NLRC5: variants seen among roughly 807,000 people sequenced by gnomAD.
NLRC5 encodes protein NLRC5.
A neutral mutation model predicts 206.9 loss-of-function variants in NLRC5; 114 were observed. The observed-to-expected ratio is 0.55, with a 90% confidence interval of 0.47 to 0.64. NLRC5 has a LOEUF of 0.64. NLRC5 is among the 30% of genes least tolerant of loss of function. NLRC5 has a pLI of 0.00. For missense variants in NLRC5, 2,008 were observed against 2,305.5 expected (o/e 0.87, Z 2.64); for synonymous variants, 952 against 962.8 (o/e 0.99, Z 0.21).
At chr16:57,029,452 C>T (rs1429410627) in intron 8 of NLRC5, among the ~76,000 whole-genome samples, 1 of 152,188 alleles carries the variant, frequency 6.6e-6, no homozygotes, top group Non-Finnish European at 1.5e-5. Context: ...ATCCCAGGCA[C>T]ATCCCAGGCA....
intron 1 of NLRC5, among the ~76,000 whole-genome samples, chr16:57,003,589 C>T (rs933886281): frequency 6.6e-6 from 1 of 152,254 alleles, no homozygotes; most frequent in South Asian, 2.1e-4. Flanking sequence ...GCAGTCATGC[C>T]TCCCTCCCCC....
At chr16:57,037,520 G>C (rs529115293) in intron 15 of NLRC5, among the ~76,000 whole-genome samples, 1 of 152,050 alleles carries the variant, frequency 6.6e-6, no homozygotes, top group Non-Finnish European at 1.5e-5. Flanking sequence ...CGCCTGGCAG[G>C]GTACAACCCC....
At chr16:56,993,397 C>T (rs554056104) in intron 1 of NLRC5, among the ~76,000 whole-genome samples, 1 of 152,170 alleles carries the variant, frequency 6.6e-6, no homozygotes, top group African/African-American at 2.4e-5. Flanking sequence ...AGGTTATTTC[C>T]TGTCTTTTGC....
chr16:57,037,245 C>T lies in NLRC5; in HGVS notation c.2762C>T (p.Ala921Val). 6.2e-7 allele frequency: 1 copy of T among 1,613,722 alleles called. No individual in the cohort carries two copies. The highest frequency in any genetic ancestry group is 8.5e-7 in the Non-Finnish European group (1 of 1,179,972). The change falls in exon 15 of 49, where the codon GCC becomes GTC. Residue 921 changes from alanine to valine, a missense_variant. Ala to Val is a moderately conservative substitution (Grantham distance 64). Transcript: ENST00000688547. ...SVAGVHCVLR[A>V]VSACWTLAEL... ...GCCGGGGTGCATTGTGTGCTGAGGGCCGTGAGTGCGTGCTGGACCCTGGCA... is the reference window on the plus strand; with the variant it reads ...GCCGGGGTGCATTGTGTGCTGAGGGTCGTGAGTGCGTGCTGGACCCTGGCA...
chr16:57,080,946 CA>C (rs1184192193), intron 46 of NLRC5, 151 bp from the exon 47 acceptor site: 1 of 619,628 alleles, frequency 1.6e-6, no homozygotes, highest in African/African-American at 1.8e-5. Flanking sequence ...CTGACGTCTT[CA>C]GGGGAGGACA....
chr16:57,033,684 T>A lies in NLRC5; in HGVS notation c.2543+15T>A. On this transcript the variant is annotated intron_variant, in intron 12 of 48. Coordinates refer to ENST00000688547, the MANE Select transcript of NLRC5 (RefSeq NM_001384950.1). Reference sequence around the variant, plus strand: ...TTGACGCTCAGGTACCTTGGAGGGATCTATTGCCTTAGGAGAGGGATATGA... The same window carrying A: ...TTGACGCTCAGGTACCTTGGAGGGAACTATTGCCTTAGGAGAGGGATATGA... 6.2e-7 allele frequency: 1 copy of A among 1,611,422 alleles called. No homozygotes were observed. The highest frequency in any genetic ancestry group is 1.1e-5 in the South Asian group (1 of 91,018).
chr16:57,026,261 A>G lies in NLRC5; in HGVS notation c.1318A>G (p.Met440Val), dbSNP rs1178702214. The part of the protein sequence containing the change: ...ALLPNMTQLY[M>V]QMVLALSPPG... ...CCTGCCCAACATGACTCAGCTCTAT[A>G]TGCAGATGGTGCTCGCCCTCAGCCC... Residue 440 changes from methionine to valine, a missense_variant, in exon 6 of 49, where the codon ATG (methionine) becomes GTG (valine). Physicochemically the swap from Met to Val is conservative, Grantham distance 21. Coordinates refer to ENST00000688547, the MANE Select transcript of NLRC5 (RefSeq NM_001384950.1). 6.2e-7 allele frequency: 1 copy of G among 1,613,984 alleles called. No individual in the cohort carries two copies. Among genetic ancestry groups the G allele is most frequent in the South Asian group, 1.1e-5 (1 of 91,086 alleles).
chr16:57,047,949 G>T, intron 23 of NLRC5: 1 of 377,300 alleles, frequency 2.7e-6, no homozygotes, highest in Non-Finnish European at 4.9e-6. Context: ...GCACCCACTT[G>T]AACCTGCCTG....
chr16:57,079,978 C>T (rs1306912693), intron 46 of NLRC5, among the ~76,000 whole-genome samples: 2 of 152,152 alleles, frequency 1.3e-5, no homozygotes, highest in Non-Finnish European at 2.9e-5. Flanking sequence ...ATGAAACCTC[C>T]ATTTATGAAC....
chr16:57,021,194 A>T (rs1597195099), intron 3 of NLRC5, 187 bp downstream of exon 3: 1 of 550,756 alleles, frequency 1.8e-6, no homozygotes, highest in Non-Finnish European at 3.2e-6. Flanking sequence ...GGCCTGGAGG[A>T]CCCCTCCTTC....
chr16:57,061,648 G>C lies in NLRC5; in HGVS notation c.4101G>C (p.Gln1367His). Residue 1367 changes from glutamine (Q) to histidine (H), a missense_variant, in exon 32 of 49, where the codon CAG becomes CAC. Transcript: ENST00000688547. The part of the protein sequence containing the change: ...TLTQCCLGQK[Q>H]LAILLSLVGR... ...CCCAGTGCTGCCTGGGCCAGAAGCA[G>C]CTGGCCATCCTCCTGAGCTTGGTGG... is the stretch of plus-strand genomic sequence containing the variant. 1 of 1,610,406 alleles carries C rather than the reference G, an allele frequency of 6.2e-7. No homozygotes were observed. Among genetic ancestry groups the C allele is most frequent in the Non-Finnish European group, 8.5e-7 (1 of 1,179,330 alleles).
chr16:57,059,136 A>G, intron 29 of NLRC5, 75 bp downstream of exon 29: 2 of 1,610,856 alleles, frequency 1.2e-6, no homozygotes, highest in Non-Finnish European at 1.7e-6. Flanking sequence ...TGGGAGAAGC[A>G]AGGCACCCAC....
At chr16:57,005,739 C>T (rs2058823114) in intron 1 of NLRC5, among the ~76,000 whole-genome samples, 1 of 151,812 alleles carries the variant, frequency 6.6e-6, no homozygotes, top group Non-Finnish European at 1.5e-5. Context: ...GGCAAGATGG[C>T]AAAACCCCAT....
intron 2 of NLRC5, among the ~76,000 whole-genome samples, chr16:57,017,879 G>A (rs1165232578): frequency 6.6e-6 from 1 of 152,208 alleles, no homozygotes; most frequent in Non-Finnish European, 1.5e-5. Context: ...CAGAGAATTA[G>A]TAACAGAGCT....
intron 46 of NLRC5, 87 bp from the exon 47 acceptor site, chr16:57,081,011 C>T (rs1327663602): frequency 5.8e-6 from 7 of 1,214,640 alleles, no homozygotes; most frequent in East Asian, 2.5e-5. Context: ...CCACGACTGG[C>T]ACCCTGCTTT....
intron 1 of NLRC5, among the ~76,000 whole-genome samples, chr16:56,996,175 T>TC (rs1284504026): frequency 2.6e-5 from 4 of 152,112 alleles, no homozygotes; most frequent in Non-Finnish European, 4.4e-5. Flanking sequence ...TTTCTTTCTT[T>TC]CTTTTTTTTT....
intron 27 of NLRC5, 87 bp from the exon 28 acceptor site, chr16:57,057,978 C>T: frequency 9.6e-7 from 1 of 1,036,728 alleles, no homozygotes; most frequent in Non-Finnish European, 1.5e-6. Flanking sequence ...GTAGCAGTGA[C>T]AGTGGATGCA....
intron 1 of NLRC5, among the ~76,000 whole-genome samples, chr16:56,995,615 C>T (rs2057508939): frequency 7.0e-6 from 1 of 142,400 alleles, no homozygotes; most frequent in Non-Finnish European, 1.6e-5. Flanking sequence ...GGATCCTGTA[C>T]CATCGCCAGA....
At chr16:57,055,162 T>C in intron 26 of NLRC5, 68 bp downstream of exon 26, 1 of 1,541,860 alleles carries the variant, frequency 6.5e-7, no homozygotes, top group Non-Finnish European at 9.0e-7. Flanking sequence ...GCCTCCTGGG[T>C]GGCCAGAGCA....
Sources: gnomAD v4.1 joint callset for allele counts (sites outside exome capture counted in the v4.1 genomes callset) on GRCh38, gnomAD v4.1.1 for gene constraint, MANE v1.5 for transcripts, NCBI Gene and HGNC (gene_info 2026-07-23, HGNC 2026-07-21) for gene names.